CD247: variants seen among roughly 807,000 people sequenced by gnomAD.
CD247 encodes the protein CD247 molecule, also known as T-cell surface glycoprotein CD3 zeta chain.
CD247 carries 13 observed loss-of-function variants against 30.0 expected under a neutral mutation model. The ratio of observed to expected loss-of-function variants is 0.43; its 90% CI spans 0.28 to 0.69. The LOEUF (loss-of-function observed/expected upper bound fraction) is 0.69, where lower values mean the gene tolerates loss of function less well. Among genes scored for constraint, CD247 ranks in the 30% least tolerant of loss-of-function variants. CD247 has a pLI of 0.16. For missense variants in CD247, 193 were observed against 212.6 expected, an observed-to-expected ratio of 0.91 and a Z score of 0.57; for synonymous variants, 72 against 80.0, an observed-to-expected ratio of 0.90 and a Z score of 0.53.
chr1:167,438,466 G>T, intron 4 of CD247, 104 bp downstream of exon 4: 2 of 892,392 alleles, frequency 2.2e-6, no homozygotes, highest in Non-Finnish European at 1.9e-6. Context: ...ACACATGTGA[G>T]GGTCGAGTCT....
At chr1:167,434,360 C>G in intron 5 of CD247, 1 of 507,144 alleles carries the variant, frequency 2.0e-6, no homozygotes, top group Non-Finnish European at 3.6e-6. Flanking sequence ...AGGTGGAGTT[C>G]TAGACAAAGA....
At chr1:167,446,452 C>T (rs903838070) in intron 1 of CD247, among the ~76,000 whole-genome samples, 1 of 152,190 alleles carries the variant, frequency 6.6e-6, no homozygotes, top group Non-Finnish European at 1.5e-5. Context: ...CCTCTCTGAG[C>T]GTCAATTCTC....
chr1:167,501,813 G>A (rs545709530), intron 1 of CD247, among the ~76,000 whole-genome samples: 43 of 152,306 alleles, frequency 2.8e-4, no homozygotes, highest in Non-Finnish European at 3.5e-4. Flanking sequence ...CTCAGGGTCC[G>A]TATGCCACTT....
intron 1 of CD247, chr1:167,457,581 T>C (rs981925538): frequency 2.0e-5 from 3 of 152,306 alleles, no homozygotes; most frequent in African/African-American, 4.8e-5. Flanking sequence ...CATCTGTTCA[T>C]GAGCAGGCGC....
intron 1 of CD247, among the ~76,000 whole-genome samples, chr1:167,449,392 A>G (rs968441513): frequency 3.3e-5 from 5 of 151,400 alleles, no homozygotes; most frequent in Admixed American, 3.3e-4. Flanking sequence ...GACCTCAGGT[A>G]ATCCACCCGC....
chr1:167,464,312 A>T (rs2102035705), intron 1 of CD247, among the ~76,000 whole-genome samples: 1 of 152,300 alleles, frequency 6.6e-6, no homozygotes, highest in East Asian at 1.9e-4. Flanking sequence ...CTGCGTTTCC[A>T]ACTCAGGCTG....
intron 1 of CD247, among the ~76,000 whole-genome samples, chr1:167,504,079 T>C (rs144256570): frequency 3.9e-5 from 6 of 152,248 alleles, no homozygotes; most frequent in Non-Finnish European, 8.8e-5. Flanking sequence ...GTGCTGTGTA[T>C]AGGCAATGCG....
intron 1 of CD247, among the ~76,000 whole-genome samples, chr1:167,513,048 C>G (rs907014349): frequency 2.0e-5 from 3 of 152,158 alleles, no homozygotes; most frequent in African/African-American, 7.2e-5. Context: ...ACAAAAGCTA[C>G]ATATGTAAAG....
intron 2 of CD247, 48 bp downstream of exon 2, chr1:167,440,616 T>C: frequency 7.8e-7 from 1 of 1,275,462 alleles, no homozygotes; most frequent in Non-Finnish European, 1.1e-6. Context: ...TGAACATCCA[T>C]CAAGTGGGGG....
Position 167,453,014 on chromosome 1 carries a change from T to TATATATTATAG in CD247, c.59-12248_59-12247insCTATAATATAT, listed in dbSNP as rs1558002688. On this transcript the variant is annotated intron_variant, in intron 1 of 7. Coordinates refer to ENST00000362089, the MANE Select transcript of CD247 (RefSeq NM_198053.3). The stretch of plus-strand genomic sequence containing the variant: ...GTGTGTGTATGTGTGTGTGTGCATA[T>TATATATTATAG]ATATATATTATAGATATATATTATA... Among the ~76,000 whole-genome samples the TATATATTATAG allele has an allele frequency of 6.0e-5, 8 of 133,360 alleles. No individual in the cohort carries two copies. The East Asian group carries it at 6.1e-4, about 10-fold the overall frequency. 87.5% of individuals were successfully genotyped at this position (133,360 alleles called of 152,430 possible).
chr1:167,505,911 C>G (rs2102107654), intron 1 of CD247, among the ~76,000 whole-genome samples: 1 of 152,344 alleles, frequency 6.6e-6, no homozygotes, highest in African/African-American at 2.4e-5. Flanking sequence ...CACCTGAGAC[C>G]CAAGTGGCTG....
Position 167,430,811 on chromosome 1 carries a change from T to C in CD247, c.*870A>G, listed in dbSNP as rs2101982204. The stretch of plus-strand genomic sequence containing the variant: ...TGACGGGTTTTTCCTGTCCTGCCAC[T>C]GTCCGCTGGGCAGTTATAGGTCCCA... On this transcript the variant is annotated 3_prime_UTR_variant, in exon 8 of 8. Coordinates refer to ENST00000362089, the MANE Select transcript of CD247 (RefSeq NM_198053.3). The C allele has an allele frequency of 2.5e-6, 1 of 398,742 alleles. No individual in the cohort carries two copies. Among genetic ancestry groups the C allele is most frequent in the Non-Finnish European group, 4.4e-6 (1 of 226,122 alleles). 24.7% of individuals were successfully genotyped at this position (398,742 alleles called of 1,614,324 possible). A position where few individuals can be genotyped will look rare whatever the true frequency, so the allele number is the denominator to read the frequency against.
intron 1 of CD247, among the ~76,000 whole-genome samples, chr1:167,470,649 C>G (rs926127184): frequency 6.6e-6 from 1 of 151,448 alleles, no homozygotes; most frequent in Non-Finnish European, 1.5e-5. Flanking sequence ...CTACTGCTTT[C>G]CTTTTTTTCA....
intron 1 of CD247, among the ~76,000 whole-genome samples, chr1:167,456,398 T>G (rs543294840): frequency 6.6e-6 from 1 of 152,260 alleles, no homozygotes; most frequent in South Asian, 2.1e-4. Flanking sequence ...CCAGGTGGCA[T>G]GACAAAGTAC....
chr1:167,506,300 T>A, intron 1 of CD247, among the ~76,000 whole-genome samples: 1 of 79,118 alleles, frequency 1.3e-5, no homozygotes. Flanking sequence ...TTTTCTTTTC[T>A]TTTCCTTTCC....
chr1:167,434,761 G>T (rs929825432), intron 5 of CD247: 10 of 454,512 alleles, frequency 2.2e-5, no homozygotes, highest in Admixed American at 7.1e-5. Flanking sequence ...AGGGAAGGGA[G>T]ATTACTCGGC....
intron 1 of CD247, among the ~76,000 whole-genome samples, chr1:167,502,803 A>G (rs926189127): frequency 3.9e-5 from 6 of 152,182 alleles, no homozygotes; most frequent in Non-Finnish European, 2.9e-5. Context: ...GGGATGATGC[A>G]TCTACAAGCC....
At chr1:167,443,161 A>G (rs1473787379) in intron 1 of CD247, among the ~76,000 whole-genome samples, 3 of 152,174 alleles carry the variant, frequency 2.0e-5, no homozygotes, top group Non-Finnish European at 4.4e-5. Flanking sequence ...AGCGCTCTAC[A>G]AACCCAACTC....
intron 1 of CD247, among the ~76,000 whole-genome samples, chr1:167,516,336 TTC>T (rs751828622): frequency 5.9e-5 from 9 of 152,270 alleles, no homozygotes; most frequent in Non-Finnish European, 1.0e-4. Context: ...TCTTGGTAGA[TTC>T]TCTCTCAGGG....
Sources: gnomAD v4.1 joint callset for allele counts (sites outside exome capture counted in the v4.1 genomes callset) on GRCh38, gnomAD v4.1.1 for gene constraint, MANE v1.5 for transcripts, NCBI Gene and HGNC (gene_info 2026-07-23, HGNC 2026-07-21) for gene names.